The following SNX29 variants were observed in gnomAD, a reference collection of about 807,000 sequenced individuals.
The protein encoded by SNX29 is sorting nexin 29, also known as sorting nexin-29.
Under a neutral mutation model 102.1 loss-of-function variants are expected in SNX29, and 78 were observed. The ratio of observed to expected loss-of-function variants is 0.76; its 90% CI spans 0.64 to 0.92. The LOEUF is 0.92. Among genes scored for constraint, SNX29 ranks in the 40% least tolerant of loss-of-function variants. The pLI, the probability that SNX29 is intolerant of heterozygous loss-of-function variation, is 0.00. For synonymous variants in SNX29, 580 were observed against 414.5 expected (o/e 1.40, Z -4.85); for missense variants, 1,280 against 1,061.7 (o/e 1.21, Z -2.86).
In SNX29 at chr16:12,063,366, C is replaced by CTTTTTTTTTTTTTTTTTTTTT. The variant is rs369015533; in HGVS notation, c.1243+1726_1243+1746dup. The stretch of plus-strand genomic sequence containing the variant: ...CCCACCTCTTCTTTTCCTAGTCCAT[C>CTTTTTTTTTTTTTTTTTTTTT]TTTTTTTTTTTTTTTTTTTTTTTTT... On this transcript the variant is annotated intron_variant, in intron 9 of 20. Transcript: ENST00000566228. Among the ~76,000 whole-genome samples, 57 of 55,394 alleles carry CTTTTTTTTTTTTTTTTTTTTT rather than the reference C, an allele frequency of 1.0e-3. 14 individuals carry two copies. Among genetic ancestry groups the CTTTTTTTTTTTTTTTTTTTTT allele is most frequent in the Non-Finnish European group, 1.2e-3 (35 of 30,390 alleles). The allele number at this position is 55,394 out of a possible 152,430, so 36.3% of individuals were successfully genotyped here.
chr16:12,394,165 C>A (rs969099860), intron 16 of SNX29, among the ~76,000 whole-genome samples: 7 of 152,198 alleles, frequency 4.6e-5, no homozygotes, highest in African/African-American at 9.7e-5. Context: ...GTTTTAGACC[C>A]AGTTGTGCAT....
intron 19 of SNX29, among the ~76,000 whole-genome samples, chr16:12,497,097 C>A (rs936086634): frequency 5.3e-5 from 8 of 152,184 alleles, no homozygotes; most frequent in Non-Finnish European, 1.0e-4. Context: ...GACCTGCCCT[C>A]CCTGTTATCT....
intron 14 of SNX29, among the ~76,000 whole-genome samples, chr16:12,203,899 G>T (rs1226621446): frequency 6.6e-6 from 1 of 152,194 alleles, no homozygotes; most frequent in African/African-American, 2.4e-5. Context: ...GTGAACATCT[G>T]TGTCCTCTGT....
chr16:12,189,315 A>C (rs1409043443), intron 13 of SNX29, among the ~76,000 whole-genome samples: 6 of 152,318 alleles, frequency 3.9e-5, no homozygotes, highest in Admixed American at 1.3e-4. Context: ...GTCCGGAATG[A>C]CACATGGCAT....
At chr16:12,275,522 C>G (rs889817224) in intron 14 of SNX29, among the ~76,000 whole-genome samples, 1 of 152,198 alleles carries the variant, frequency 6.6e-6, no homozygotes, top group African/African-American at 2.4e-5. Flanking sequence ...GTGTCTTGTG[C>G]TAACAGTTCA....
chr16:12,454,314 A>G (rs976814476), intron 18 of SNX29, among the ~76,000 whole-genome samples: 1 of 152,224 alleles, frequency 6.6e-6, no homozygotes, highest in South Asian at 2.1e-4. Flanking sequence ...GAGAGCAGCC[A>G]TCCCAATTCT....
chr16:12,280,261 G>C (rs2079390345), intron 15 of SNX29, among the ~76,000 whole-genome samples: 1 of 152,224 alleles, frequency 6.6e-6, no homozygotes, highest in Non-Finnish European at 1.5e-5. Context: ...TAGATGAGGG[G>C]AGAAAGGTGA....
chr16:12,000,682 T>C (rs1021788833), intron 2 of SNX29, among the ~76,000 whole-genome samples: 1 of 151,948 alleles, frequency 6.6e-6, no homozygotes, highest in African/African-American at 2.4e-5. Context: ...TGCCACCACA[T>C]GTGCCGGGGT....
chr16:12,330,449 G>C (rs1193744151), intron 15 of SNX29, among the ~76,000 whole-genome samples: 1 of 152,140 alleles, frequency 6.6e-6, no homozygotes, highest in Non-Finnish European at 1.5e-5. Context: ...CCTGAAATGG[G>C]CTTGACGGTC....
chr16:12,389,860 C>T (rs1288427160), intron 16 of SNX29, among the ~76,000 whole-genome samples: 2 of 152,196 alleles, frequency 1.3e-5, no homozygotes, highest in Non-Finnish European at 2.9e-5. Flanking sequence ...CCCAGGGACC[C>T]AGCCACTGTA....
intron 18 of SNX29, among the ~76,000 whole-genome samples, chr16:12,410,169 T>C (rs2084339662): frequency 6.6e-6 from 1 of 152,012 alleles, no homozygotes; most frequent in South Asian, 2.1e-4. Flanking sequence ...TAATTTTTTG[T>C]AGTTTTAGTA....
intron 20 of SNX29, among the ~76,000 whole-genome samples, chr16:12,544,259 G>T (rs1028225806): frequency 3.3e-5 from 5 of 152,178 alleles, no homozygotes; most frequent in African/African-American, 1.2e-4. Context: ...TACCCAGATT[G>T]CAACTCAGGA....
At chr16:12,502,629 G>C (rs559805584) in intron 19 of SNX29, among the ~76,000 whole-genome samples, 2 of 152,176 alleles carry the variant, frequency 1.3e-5, no homozygotes, top group Admixed American at 6.6e-5. Context: ...TCTAGCCAAG[G>C]AATTCTTATC....
At chr16:12,283,310 T>A (rs1404027206) in intron 15 of SNX29, among the ~76,000 whole-genome samples, 1 of 150,638 alleles carries the variant, frequency 6.6e-6, no homozygotes, top group Non-Finnish European at 1.5e-5. Context: ...TAGATGGAGT[T>A]GTTTTTTTTT....
chr16:12,311,340 G>A (rs1348520493), intron 15 of SNX29, among the ~76,000 whole-genome samples: 5 of 152,158 alleles, frequency 3.3e-5, no homozygotes, highest in South Asian at 2.1e-4. Context: ...TCCAAACACA[G>A]CCTCTCACCC....
At chr16:12,344,645 A>C (rs1286522425) in intron 15 of SNX29, among the ~76,000 whole-genome samples, 1 of 152,244 alleles carries the variant, frequency 6.6e-6, no homozygotes, top group Non-Finnish European at 1.5e-5. Flanking sequence ...GATGGGGCTT[A>C]GGGTTGGGTC....
intron 1 of SNX29, among the ~76,000 whole-genome samples, chr16:11,981,692 A>G (rs1193595841): frequency 6.6e-6 from 1 of 152,192 alleles, no homozygotes. Context: ...GAATACATTA[A>G]GTACAAATAA....
intron 16 of SNX29, among the ~76,000 whole-genome samples, chr16:12,366,301 C>G (rs556522244): frequency 4.0e-4 from 61 of 152,292 alleles, no homozygotes; most frequent in Non-Finnish European, 7.9e-4. Flanking sequence ...CCAAGGAACA[C>G]TATTGCAGTC....
At chr16:12,084,947 G>C (rs2052091898) in intron 11 of SNX29, among the ~76,000 whole-genome samples, 1 of 152,086 alleles carries the variant, frequency 6.6e-6, no homozygotes, top group South Asian at 2.1e-4. Context: ...GTGCGTACCT[G>C]TATTCCCAGC....
Sources: allele counts gnomAD v4.1 joint callset (sites outside exome capture counted in the v4.1 genomes callset), GRCh38; gene constraint gnomAD v4.1.1; transcripts MANE v1.5; gene names NCBI Gene and HGNC (gene_info 2026-07-23, HGNC 2026-07-21).